EPN1: variants seen among roughly 807,000 people sequenced by gnomAD.
The protein encoded by EPN1 is epsin-1.
A neutral mutation model predicts 56.9 loss-of-function variants in EPN1; 25 were observed. The observed-to-expected ratio is 0.44, with a 90% CI of 0.32 to 0.61. EPN1 has a LOEUF of 0.61. Ranked by LOEUF, EPN1 falls within the 20% of genes least tolerant of loss-of-function variation. The pLI is 0.05. For synonymous variants in EPN1, 411 were observed against 361.8 expected, an observed-to-expected ratio of 1.14 and a Z score of -1.54; for missense variants, 785 against 823.7, an observed-to-expected ratio of 0.95 and a Z score of 0.58.
chr19:55,689,769 G>T lies in EPN1; in HGVS notation c.679-98G>T. On this transcript the variant is annotated intron_variant, in intron 5 of 10. Transcript: ENST00000270460. This position sits in a 1 kb window ranked among gnomAD's most constrained non-coding sequence, Gnocchi z 5.7. ...CCCATCGAATCCTTCAGCCGCTTTC[G>T]TTGGGGTGGGAGGGGTTGCTGGGGC... 2 of 1,122,192 alleles carry T rather than the reference G, an allele frequency of 1.8e-6. No homozygotes were observed. Among genetic ancestry groups the T allele is most frequent in the Non-Finnish European group, 2.6e-6 (2 of 761,512 alleles). The allele number at this position is 1,122,192 out of a possible 1,614,324, so 69.5% of individuals were successfully genotyped here.
chr19:55,688,412 C>A (rs1490950175), intron 3 of EPN1, among the ~76,000 whole-genome samples: 1 of 152,108 alleles, frequency 6.6e-6, no homozygotes, highest in Non-Finnish European at 1.5e-5. Flanking sequence ...CCCGCTGTCT[C>A]AATGGATGCT....
intron 2 of EPN1, among the ~76,000 whole-genome samples, chr19:55,681,197 T>TG (rs1034756556): frequency 6.6e-6 from 1 of 152,146 alleles, no homozygotes; most frequent in Non-Finnish European, 1.5e-5. Flanking sequence ...TGCATGGCCT[T>TG]GGGGGTGAGT....
Position 55,685,434 on chromosome 19 carries a change from G to A in EPN1, c.267G>A (p.Ser89=), listed in dbSNP as rs773033574. 1.4e-5 allele frequency: 22 copies of A among 1,609,312 alleles called. No homozygotes were observed. Among genetic ancestry groups the A allele is most frequent in the South Asian group, 1.1e-4 (10 of 90,400 alleles). Residue 89 remains serine (S), a synonymous_variant, in exon 3 of 11, where the codon TCG becomes TCA. Coordinates refer to ENST00000270460, the MANE Select transcript of EPN1 (RefSeq NM_001130072.2). The part of the protein sequence containing the change: ...TLMEYLIKTG[S]ERVSQQCKEN... ...TGGAGTACCTCATCAAGACCGGCTC[G>A]GAGCGCGTGTCGCAGCAGTGCAAGG...
At position 55,691,948 on chromosome 19, in the gene EPN1, C is replaced by A; in HGVS notation, c.957C>A (p.Asp319Glu). The change falls in exon 7 of 11, where the codon GAC (aspartate) becomes GAA (glutamate). Residue 319 changes from aspartate to glutamate, a missense_variant. Coordinates refer to ENST00000270460, the MANE Select transcript of EPN1 (RefSeq NM_001130072.2). This position sits in a 1 kb window ranked among gnomAD's most constrained non-coding sequence, Gnocchi z 5.6. ...GGPAPTPASG[D>E]PWRPAAPAGP... ...CAGCCCCCACGCCGGCCTCTGGGGA[C>A]CCCTGGAGGCCTGCTGCCCCTGCAG... 6.5e-7 allele frequency: 1 copy of A among 1,530,560 alleles called. No individual in the cohort carries two copies. The highest frequency in any genetic ancestry group is 8.7e-7 in the Non-Finnish European group (1 of 1,142,978). The allele number at this position is 1,530,560 out of a possible 1,614,324, so 94.8% of individuals were successfully genotyped here. A position where few individuals can be genotyped will look rare whatever the true frequency, so the allele number is the denominator to read the frequency against.
rs769874252 is a variant in EPN1 at position 55,692,786 on chromosome 19, T to G, written c.1167T>G (p.Asn389Lys). 10 of 1,596,948 alleles carry G rather than the reference T, an allele frequency of 6.3e-6. No homozygotes were observed. In the African/African-American group the frequency reaches 1.2e-4, roughly 19 times the overall value. The part of the protein sequence containing the change: ...WGGSPAKPST[N>K]GTTAAGGFDT... Reference sequence around the variant, plus strand: ...GGTCACCTGCCAAGCCCAGCACCAATGGCACAACAGGTACTGGAATGGGGG... The same window carrying G: ...GGTCACCTGCCAAGCCCAGCACCAAGGGCACAACAGGTACTGGAATGGGGG... The change falls in exon 8 of 11, where the codon AAT becomes AAG. Residue 389 changes from asparagine to lysine, a missense_variant. Asn to Lys is a moderately conservative substitution (Grantham distance 94). This residue lies in a region of EPN1 where 650 missense variants were observed against 605.0 expected (regional missense o/e 1.07). Coordinates refer to ENST00000270460, the MANE Select transcript of EPN1 (RefSeq NM_001130072.2).
At position 55,692,867 on chromosome 19, in the gene EPN1, A is replaced by AG. The variant is rs1321997376; in HGVS notation, c.1177+74dup. The AG allele has an allele frequency of 2.5e-6, 4 of 1,588,568 alleles. No homozygotes were observed. The Admixed American group carries it at 6.7e-5, about 27-fold the overall frequency. ...GGAGAAGTTAGTGTTGAGTGTCCTA[A>AG]GGGAGGGGTGGACGCCTGGACTGGA... is the stretch of plus-strand genomic sequence containing the variant. On this transcript the variant is annotated intron_variant, in intron 8 of 10. Coordinates refer to ENST00000270460, the MANE Select transcript of EPN1 (RefSeq NM_001130072.2).
chr19:55,698,029 C>A lies in EPN1; in HGVS notation c.*2673C>A, dbSNP rs1197806793. The A allele has an allele frequency of 6.7e-6, 1 of 149,974 alleles. No individual in the cohort carries two copies. Among genetic ancestry groups the A allele is most frequent in the Non-Finnish European group, 1.5e-5 (1 of 67,822 alleles). The allele number at this position is 149,974 out of a possible 1,614,324, so 9.3% of individuals were successfully genotyped here. ...ACCTCAGGGGTCCGGGGGTTTTCGGCTAAACCCACCTAGCAGGATTCTTGC... is the reference window on the plus strand; with the variant it reads ...ACCTCAGGGGTCCGGGGGTTTTCGGATAAACCCACCTAGCAGGATTCTTGC... On this transcript the variant is annotated 3_prime_UTR_variant, in exon 11 of 11. Coordinates refer to ENST00000270460, the MANE Select transcript of EPN1 (RefSeq NM_001130072.2).
chr19:55,690,303 G>GT (rs1235107294), intron 6 of EPN1, among the ~76,000 whole-genome samples: 9 of 152,372 alleles, frequency 5.9e-5, no homozygotes, highest in Admixed American at 2.6e-4. Context: ...CGCCCCATCT[G>GT]TCACACTTTG....
rs1195267505 is a variant in EPN1, at chr19:55,706,792, A to T, written c.*11436A>T. Reference sequence around the variant, plus strand: ...GATGGCTTGTGCCTGTAATCCCAGCAGTTTGAGAGGCTGAAGTGGGAGGAT... The same window carrying T: ...GATGGCTTGTGCCTGTAATCCCAGCTGTTTGAGAGGCTGAAGTGGGAGGAT... On this transcript the variant is annotated 3_prime_UTR_variant, in exon 11 of 11. Coordinates refer to ENST00000270460, the MANE Select transcript of EPN1 (RefSeq NM_001130072.2). 6.6e-6 allele frequency: 1 copy of T among 152,246 alleles called. No homozygotes were observed. The highest frequency in any genetic ancestry group is 1.5e-5 in the Non-Finnish European group (1 of 68,096). 9.4% of individuals were successfully genotyped at this position (152,246 alleles called of 1,614,324 possible).
Position 55,703,711 on chromosome 19 carries a change from A to C in EPN1, c.*8355A>C, listed in dbSNP as rs1394235039. The C allele has an allele frequency of 6.6e-6, 1 of 152,264 alleles. No homozygotes were observed. The highest frequency in any genetic ancestry group is 1.5e-5 in the Non-Finnish European group (1 of 68,054). The allele number at this position is 152,264 out of a possible 1,614,324, so 9.4% of individuals were successfully genotyped here. A position where few individuals can be genotyped will look rare whatever the true frequency, so the allele number is the denominator to read the frequency against. On this transcript the variant is annotated 3_prime_UTR_variant, in exon 11 of 11. Coordinates refer to ENST00000270460, the MANE Select transcript of EPN1 (RefSeq NM_001130072.2). ...GCCGGAAATGTTCTCTGTGCTGTAC[A>C]AAAGGGATGCCACTAGCCACATGCC...
In EPN1 at chr19:55,701,927, C is replaced by G. The variant is rs889813390; in HGVS notation, c.*6571C>G. 5 of 149,552 alleles carry G rather than the reference C, an allele frequency of 3.3e-5. No homozygotes were observed. Among genetic ancestry groups the G allele is most frequent in the African/African-American group, 1.2e-4 (5 of 40,062 alleles). The allele number at this position is 149,552 out of a possible 1,614,324, so 9.3% of individuals were successfully genotyped here. ...TTAGGACCAGGTGTGCTGTCTGCAT[C>G]GAGCAGAGTCTCTAGCAGCCCCCAC... On this transcript the variant is annotated 3_prime_UTR_variant, in exon 11 of 11. Coordinates refer to ENST00000270460, the MANE Select transcript of EPN1 (RefSeq NM_001130072.2).
Position 55,709,019 on chromosome 19 carries a change from C to G in EPN1, c.*13663C>G. The G allele has an allele frequency of 6.3e-7, 1 of 1,577,818 alleles. No individual in the cohort carries two copies. The highest frequency in any genetic ancestry group is 8.6e-7 in the Non-Finnish European group (1 of 1,168,170). On this transcript the variant is annotated 3_prime_UTR_variant, in exon 11 of 11. Coordinates refer to ENST00000270460, the MANE Select transcript of EPN1 (RefSeq NM_001130072.2). ...ACAGACATCAGGATCTTCTGAGTTT[C>G]TTCATCAAAGCCAGATTTGTGCAGC...
At chr19:55,692,143 G>A (rs1288582603) in intron 7 of EPN1, 86 bp downstream of exon 7, 21 of 1,305,114 alleles carry the variant, frequency 1.6e-5, no homozygotes, top group Admixed American at 1.1e-4. Context: ...GGGACAGATC[G>A]AGCCAGTGGC....
rs114355545 is a variant in EPN1, at chr19:55,679,250, C to T, written c.228+395C>T. On this transcript the variant is annotated intron_variant, in intron 2 of 10. Coordinates refer to ENST00000270460, the MANE Select transcript of EPN1 (RefSeq NM_001130072.2). ...CAGGCGATGCCACGCTGGGGATGAA[C>T]GCTGTCGTGCCTGTGAGCAGGACTC... 6.5e-3 allele frequency among the ~76,000 whole-genome samples: 985 copies of T among 152,376 alleles called. 13 individuals carry two copies. Among genetic ancestry groups the T allele is most frequent in the African/African-American group, 0.022 (906 of 41,588 alleles).
rs1383920941 is a variant in EPN1 at position 55,705,307 on chromosome 19, AAAAC to A, written c.*9956_*9959del. 5.3e-5 allele frequency: 8 copies of A among 152,338 alleles called. No homozygotes were observed. The highest frequency in any genetic ancestry group is 1.7e-4 in the African/African-American group (7 of 41,580). 9.4% of individuals were successfully genotyped at this position (152,338 alleles called of 1,614,324 possible). On this transcript the variant is annotated 3_prime_UTR_variant, in exon 11 of 11. Transcript: ENST00000270460. Reference sequence around the variant, plus strand: ...TTGCCTACGGAAACACACAAAAACGAAAACAAACCAATGAAAAAAACCTCTCAGA... The same window carrying A: ...TTGCCTACGGAAACACACAAAAACGAAAACCAATGAAAAAAACCTCTCAGA...
Position 55,678,802 on chromosome 19 carries a change from A to G in EPN1, c.175A>G (p.Met59Val). The change falls in exon 2 of 11, where the codon ATG becomes GTG. Residue 59 changes from methionine to valine, a missense_variant. By Grantham distance (21) the Met-to-Val change is conservative. Coordinates refer to ENST00000270460, the MANE Select transcript of EPN1 (RefSeq NM_001130072.2). The stretch of plus-strand genomic sequence containing the variant: ...TGTCGCCTTCTCGGAGATCATGAGC[A>G]TGATCTGGAAGCGGCTCAATGACCA... ...NVVAFSEIMS[M>V]IWKRLNDHGK... The G allele has an allele frequency of 1.2e-6, 2 of 1,614,110 alleles. No homozygotes were observed. The highest frequency in any genetic ancestry group is 1.7e-6 in the Non-Finnish European group (2 of 1,180,002).
rs1987100772 is a variant in EPN1, at chr19:55,700,664, A to G, written c.*5308A>G. On this transcript the variant is annotated 3_prime_UTR_variant, in exon 11 of 11. Coordinates refer to ENST00000270460, the MANE Select transcript of EPN1 (RefSeq NM_001130072.2). ...CCTCACTCGTGTTCAGCCATCATTT[A>G]CATTTGAACCACTCCTGTTTCACCT... The G allele has an allele frequency of 3.3e-5, 5 of 152,272 alleles. No individual in the cohort carries two copies. Among genetic ancestry groups the G allele is most frequent in the Admixed American group, 2.0e-4 (3 of 15,284 alleles). 9.4% of individuals were successfully genotyped at this position (152,272 alleles called of 1,614,324 possible).
chr19:55,693,119 T>C (rs1986689668), intron 9 of EPN1, 82 bp downstream of exon 9: 1 of 1,411,260 alleles, frequency 7.1e-7, no homozygotes, highest in Non-Finnish European at 9.9e-7. Flanking sequence ...GCTGTCTTTG[T>C]CCCACTCCAG....
At position 55,689,213 on chromosome 19, in the gene EPN1, C is replaced by T. The variant is rs1015519846; in HGVS notation, c.604-84C>T. On this transcript the variant is annotated intron_variant, in intron 4 of 10. Coordinates refer to ENST00000270460, the MANE Select transcript of EPN1 (RefSeq NM_001130072.2). This position sits in a 1 kb window ranked among gnomAD's most constrained non-coding sequence, Gnocchi z 5.7. The stretch of plus-strand genomic sequence containing the variant: ...TTCAGGGACCCCCAGCCCTCTCTTT[C>T]TTCGGCTCTATCTGACCCTGGCTCT... 2.5e-6 allele frequency: 3 copies of T among 1,214,088 alleles called. No homozygotes were observed. The highest frequency in any genetic ancestry group is 3.0e-5 in the African/African-American group (2 of 66,600). 75.2% of individuals were successfully genotyped at this position (1,214,088 alleles called of 1,614,324 possible).
Sources: allele counts gnomAD v4.1 joint callset (sites outside exome capture counted in the v4.1 genomes callset), GRCh38; gene constraint gnomAD v4.1.1; regional missense constraint gnomAD v4.1.1; non-coding constraint Gnocchi (gnomAD v3.1); transcripts MANE v1.5; gene names NCBI Gene and HGNC (gene_info 2026-07-23, HGNC 2026-07-21).